Variants in FARP2 observed in about 807,000 individuals in gnomAD.
FARP2 encodes FERM, ARH/RhoGEF and pleckstrin domain protein 2.
Under a neutral mutation model 130.5 loss-of-function variants are expected in FARP2, and 111 were observed. That is an observed-to-expected ratio of 0.85 (90% confidence interval 0.73 to 1.00). FARP2 has a LOEUF of 1.00. FARP2 is among the 50% of genes least tolerant of loss of function. The pLI, the probability that FARP2 is intolerant of heterozygous loss-of-function variation, is 0.00. For missense variants in FARP2, 1,385 were observed against 1,346.3 expected (o/e 1.03, Z -0.45); for synonymous variants, 504 against 516.9 (o/e 0.98, Z 0.34).
At chr2:241,461,003 T>C (rs2064001254) in intron 14 of FARP2, among the ~76,000 whole-genome samples, 1 of 152,188 alleles carries the variant, frequency 6.6e-6, no homozygotes. Context: ...TGTGCCTCTG[T>C]TGTCCTCTCA....
chr2:241,424,733 T>C (rs1325090077), intron 8 of FARP2, among the ~76,000 whole-genome samples: 1 of 152,028 alleles, frequency 6.6e-6, no homozygotes, highest in Non-Finnish European at 1.5e-5. Flanking sequence ...TAATAGAGAA[T>C]AATCAAATGA....
At chr2:241,371,478 C>T (rs1026239744) in intron 1 of FARP2, among the ~76,000 whole-genome samples, 3 of 152,016 alleles carry the variant, frequency 2.0e-5, no homozygotes, top group South Asian at 2.1e-4. Context: ...AGCAAGACTC[C>T]GTCTCCAAAA....
intron 13 of FARP2, among the ~76,000 whole-genome samples, chr2:241,455,997 C>G (rs2063825160): frequency 6.6e-6 from 1 of 151,068 alleles, no homozygotes; most frequent in African/African-American, 2.4e-5. Context: ...ACTGGTTTCC[C>G]ATAGAAAAAC....
intron 11 of FARP2, among the ~76,000 whole-genome samples, chr2:241,435,342 GT>G (rs2063199888): frequency 6.6e-6 from 1 of 150,826 alleles, no homozygotes. Flanking sequence ...GTGGGCTCAA[GT>G]AATCCTCCAA....
chr2:241,386,102 A>AT (rs2061777567), intron 2 of FARP2, among the ~76,000 whole-genome samples: 1 of 152,112 alleles, frequency 6.6e-6, no homozygotes, highest in Admixed American at 6.6e-5. Context: ...CTTTGATTTG[A>AT]TTTTTTTAGA....
chr2:241,450,484 G>A (rs1047079298), intron 13 of FARP2, among the ~76,000 whole-genome samples: 1 of 151,494 alleles, frequency 6.6e-6, no homozygotes, highest in Non-Finnish European at 1.5e-5. Context: ...TGGCCAACAT[G>A]GTGAAACCCC....
chr2:241,361,741 C>T (rs1465881023), intron 1 of FARP2, among the ~76,000 whole-genome samples: 1 of 152,018 alleles, frequency 6.6e-6, no homozygotes, highest in Non-Finnish European at 1.5e-5. Flanking sequence ...CCAGATAACC[C>T]AGTAGGGGAA....
intron 2 of FARP2, among the ~76,000 whole-genome samples, chr2:241,379,466 C>CA (rs1287713580): frequency 6.6e-6 from 1 of 152,176 alleles, no homozygotes; most frequent in African/African-American, 2.4e-5. Flanking sequence ...TTAACATACT[C>CA]ACAGTTGTTA....
At chr2:241,474,058 G>C (rs1220759360) in intron 18 of FARP2, among the ~76,000 whole-genome samples, 1 of 152,112 alleles carries the variant, frequency 6.6e-6, no homozygotes, top group Non-Finnish European at 1.5e-5. Flanking sequence ...TGTAATCCTA[G>C]CACTTTGGGA....
At chr2:241,493,144 C>A in intron 25 of FARP2, 108 bp downstream of exon 25, 1 of 1,142,214 alleles carries the variant, frequency 8.8e-7, no homozygotes, top group Non-Finnish European at 1.3e-6. Flanking sequence ...CCATGCTTTG[C>A]CCACACACCC....
chr2:241,437,513 T>G (rs568600580), intron 12 of FARP2, among the ~76,000 whole-genome samples: 16 of 152,104 alleles, frequency 1.1e-4, no homozygotes, highest in African/African-American at 2.9e-4. Flanking sequence ...TTGCCCAGGC[T>G]GGAGTGCAGT....
intron 19 of FARP2, chr2:241,478,686 C>A: frequency 4.2e-6 from 2 of 479,836 alleles, no homozygotes; most frequent in East Asian, 5.6e-5. Flanking sequence ...AGTATCACTT[C>A]ATTAATAAAA....
At chr2:241,396,027 G>C (rs974563603) in intron 2 of FARP2, 5 of 152,092 alleles carry the variant, frequency 3.3e-5, no homozygotes, top group Non-Finnish European at 7.3e-5. Flanking sequence ...AATTAAACTA[G>C]AGTGATGATA....
intron 1 of FARP2, among the ~76,000 whole-genome samples, chr2:241,368,326 C>T (rs2061358304): frequency 1.3e-5 from 2 of 152,026 alleles, no homozygotes; most frequent in Admixed American, 6.5e-5. Flanking sequence ...TGCCACTTTC[C>T]TCTGGGTATC....
intron 8 of FARP2, among the ~76,000 whole-genome samples, chr2:241,423,154 A>G (rs917957210): frequency 6.6e-6 from 1 of 152,216 alleles, no homozygotes; most frequent in Non-Finnish European, 1.5e-5. Flanking sequence ...CCCAAGACAT[A>G]TAATCATCAG....
chr2:241,385,966 T>A (rs10172060), intron 2 of FARP2, among the ~76,000 whole-genome samples: 28,932 of 152,188 alleles, frequency 0.19, 3,090 homozygotes, highest in Middle Eastern at 0.35. Flanking sequence ...CTCCTGTAAT[T>A]TTTATTTTAT....
At chr2:241,362,146 C>G (rs1402687744) in intron 1 of FARP2, among the ~76,000 whole-genome samples, 1 of 152,136 alleles carries the variant, frequency 6.6e-6, no homozygotes, top group Non-Finnish European at 1.5e-5. Flanking sequence ...AACCACCTGC[C>G]TCCGTCTCCC....
chr2:241,403,664 A>G (rs2062253220), intron 2 of FARP2, among the ~76,000 whole-genome samples, 164 bp from the exon 3 acceptor site: 1 of 152,130 alleles, frequency 6.6e-6, no homozygotes, highest in South Asian at 2.1e-4. Context: ...TCTGAGCACA[A>G]ATGCTTCAGA....
At chr2:241,478,622 G>T in intron 19 of FARP2, 1 of 511,654 alleles carries the variant, frequency 2.0e-6, no homozygotes, top group Non-Finnish European at 4.0e-6. Context: ...TGGCAAGCTG[G>T]TGATTAACAA....
Sources: gnomAD v4.1 joint callset for allele counts (sites outside exome capture counted in the v4.1 genomes callset) on GRCh38, gnomAD v4.1.1 for gene constraint, MANE v1.5 for transcripts, NCBI Gene and HGNC (gene_info 2026-07-23, HGNC 2026-07-21) for gene names.